The following LRRC63 variants were observed in gnomAD, a reference collection of about 807,000 sequenced individuals.
LRRC63 encodes the protein leucine-rich repeat-containing protein 63.
A neutral mutation model predicts 49.5 loss-of-function variants in LRRC63; 40 were observed. That is an observed-to-expected ratio of 0.81 (90% confidence interval 0.63 to 1.05). The LOEUF is 1.05. LRRC63 is among the 50% of genes least tolerant of loss of function. The pLI is 0.00. For missense variants in LRRC63, 636 were observed against 663.1 expected (o/e 0.96, Z 0.45); for synonymous variants, 191 against 221.1 (o/e 0.86, Z 1.21).
chr13:46,223,194 T>C (rs2046459154), intron 2 of LRRC63, among the ~76,000 whole-genome samples: 1 of 151,632 alleles, frequency 6.6e-6, no homozygotes, highest in Non-Finnish European at 1.5e-5. Context: ...ACATGTACCC[T>C]AAAACTTAAA....
chr13:46,268,116 CA>C lies in LRRC63; in HGVS notation c.1550+1146del, dbSNP rs1361966141. ...AAACAATCAAACAGATACTAATTTC[CA>C]AGGACCTAGGATATGAGTATTGCAA... On this transcript the variant is annotated intron_variant, in intron 9 of 9. Coordinates refer to ENST00000595396, the Ensembl canonical transcript of LRRC63. Among the ~76,000 whole-genome samples the C allele has an allele frequency of 3.9e-5, 6 of 152,088 alleles. No individual in the cohort carries two copies. The East Asian group carries it at 9.7e-4, about 24-fold the overall frequency.
intron 9 of LRRC63, among the ~76,000 whole-genome samples, chr13:46,273,640 T>C (rs1270306593): frequency 4.2e-5 from 6 of 142,304 alleles, no homozygotes; most frequent in Admixed American, 2.9e-4. Flanking sequence ...TGGCTGGGCA[T>C]GGTGGCTCAC....
intron 4 of LRRC63, among the ~76,000 whole-genome samples, chr13:46,232,752 T>A (rs918789623): frequency 3.3e-5 from 5 of 151,690 alleles, no homozygotes; most frequent in Admixed American, 6.6e-5. Flanking sequence ...AAAAAAAAAA[T>A]AAAATATCTG....
chr13:46,233,942 T>C (rs888439242), intron 4 of LRRC63, among the ~76,000 whole-genome samples: 10 of 152,338 alleles, frequency 6.6e-5, no homozygotes, highest in East Asian at 5.8e-4. Context: ...GACAGAAATC[T>C]ATGAGCATAT....
intron 9 of LRRC63, 44 bp downstream of exon 9, chr13:46,267,016 G>A (rs754208949): frequency 9.5e-6 from 14 of 1,467,440 alleles, no homozygotes; most frequent in Non-Finnish European, 1.3e-5. Context: ...ATACCTTTAA[G>A]CATTAAAATG....
intron 7 of LRRC63, 136 bp downstream of exon 7, chr13:46,250,627 C>T (rs1277161443): frequency 4.3e-5 from 30 of 695,618 alleles, no homozygotes; most frequent in Non-Finnish European, 6.8e-5. Context: ...AGCTAATACG[C>T]TTCTTCTTAT....
intron 9 of LRRC63, among the ~76,000 whole-genome samples, chr13:46,275,759 C>G (rs1015961364): frequency 1.3e-4 from 20 of 151,452 alleles, no homozygotes; most frequent in Admixed American, 5.3e-4. Flanking sequence ...GCTGTTGATT[C>G]TGTTGATTTT....
At chr13:46,253,230 A>C (rs568971699) in intron 7 of LRRC63, among the ~76,000 whole-genome samples, 47 of 152,142 alleles carry the variant, frequency 3.1e-4, no homozygotes, top group African/African-American at 1.1e-3. Context: ...AAAAAAAGTC[A>C]AGGTAATGCC....
chr13:46,253,690 T>C (rs1317180124), intron 7 of LRRC63, among the ~76,000 whole-genome samples: 1 of 151,922 alleles, frequency 6.6e-6, no homozygotes, highest in Non-Finnish European at 1.5e-5. Flanking sequence ...GGTTTAGGAG[T>C]TGGATAGGGA....
At chr13:46,246,480 G>C in intron 5 of LRRC63, 47 bp from the exon 6 acceptor site, 1 of 884,602 alleles carries the variant, frequency 1.1e-6, no homozygotes. Flanking sequence ...AAACTATTTT[G>C]TGCCTTGTTA....
exon 10 of LRRC63, chr13:46,276,842 A>ATG (rs2047847208): frequency 2.0e-5 from 3 of 150,730 alleles, no homozygotes; most frequent in East Asian, 1.7e-4. Context: ...ATATATATAT[A>ATG]TATATATATT....
chr13:46,230,097 A>G (rs553780212), intron 4 of LRRC63, among the ~76,000 whole-genome samples: 1 of 152,278 alleles, frequency 6.6e-6, no homozygotes, highest in South Asian at 2.1e-4. Context: ...CCCCATGTCC[A>G]ACACTGGGAG....
At chr13:46,214,383 A>G (rs887346118) in intron 2 of LRRC63, among the ~76,000 whole-genome samples, 1 of 152,158 alleles carries the variant, frequency 6.6e-6, no homozygotes, top group Non-Finnish European at 1.5e-5. Flanking sequence ...CATTTCTATA[A>G]TGTTCTGCAT....
chr13:46,240,138 T>C (rs1189059282), intron 5 of LRRC63, among the ~76,000 whole-genome samples: 3 of 132,140 alleles, frequency 2.3e-5, no homozygotes, highest in Non-Finnish European at 3.1e-5. Context: ...TTTTTTTTTT[T>C]TTTTTTTTGA....
exon 5 of LRRC63, chr13:46,234,290 A>G (rs1448495893): frequency 1.3e-6 from 2 of 1,550,338 alleles, no homozygotes; most frequent in Non-Finnish European, 1.7e-6. Context: ...AATAACAGCC[A>G]TGACCAACCT....
At chr13:46,231,815 C>T (rs2046767288) in intron 4 of LRRC63, among the ~76,000 whole-genome samples, 1 of 133,474 alleles carries the variant, frequency 7.5e-6, no homozygotes, top group South Asian at 2.4e-4. Flanking sequence ...CTGCCACACA[C>T]TTTTTTTTTT....
At chr13:46,214,998 T>C (rs900053276) in intron 2 of LRRC63, among the ~76,000 whole-genome samples, 1 of 152,230 alleles carries the variant, frequency 6.6e-6, no homozygotes. Context: ...ACATTTTCTT[T>C]ATCCAGTCTA....
chr13:46,275,793 T>A (rs1183831535), intron 9 of LRRC63, among the ~76,000 whole-genome samples: 4 of 152,200 alleles, frequency 2.6e-5, no homozygotes, highest in African/African-American at 4.8e-5. Context: ...AGTAGGTTTT[T>A]AATTCGAGAT....
chr13:46,260,433 C>T (rs2047595790), intron 7 of LRRC63, among the ~76,000 whole-genome samples: 1 of 152,178 alleles, frequency 6.6e-6, no homozygotes. Context: ...GTCACCATTC[C>T]TTTCATTCAG....
Sources: allele counts gnomAD v4.1 joint callset (sites outside exome capture counted in the v4.1 genomes callset), GRCh38; gene constraint gnomAD v4.1.1; transcripts MANE v1.5; gene names NCBI Gene and HGNC (gene_info 2026-07-23, HGNC 2026-07-21).